Variants in ROBO2 observed in about 807,000 individuals in gnomAD.
ROBO2 encodes roundabout guidance receptor 2.
ROBO2 carries 53 observed loss-of-function variants against 160.8 expected under a neutral mutation model. The ratio of observed to expected loss-of-function variants is 0.33; its 90% CI spans 0.26 to 0.41. The LOEUF is 0.41. Among genes scored for constraint, ROBO2 ranks in the 10% least tolerant of loss-of-function variants. ROBO2 has a pLI of 1.00. For synonymous variants in ROBO2, 664 were observed against 611.7 expected (o/e 1.09, Z -1.26); for missense variants, 1,577 against 1,722.4 (o/e 0.92, Z 1.49).
At chr3:76,255,804 A>G (rs1706321633) in intron 2 of ROBO2, among the ~76,000 whole-genome samples, 1 of 152,074 alleles carries the variant, frequency 6.6e-6, no homozygotes, top group Non-Finnish European at 1.5e-5. Flanking sequence ...ACTTCCTGGA[A>G]TAATAGTATT....
At chr3:77,088,502 G>A (rs1471976937) in intron 1 of ROBO2, among the ~76,000 whole-genome samples, 2 of 152,074 alleles carry the variant, frequency 1.3e-5, no homozygotes, top group African/African-American at 4.8e-5. Flanking sequence ...CCATCACTTA[G>A]GTATTAACCC....
chr3:77,374,600 A>G (rs1358754748), intron 2 of ROBO2, among the ~76,000 whole-genome samples: 4 of 152,086 alleles, frequency 2.6e-5, no homozygotes, highest in Admixed American at 1.3e-4. Context: ...AGTTTTTGTA[A>G]GTTTATTTTC....
rs143267395 is a variant in ROBO2 at position 77,352,235 on chromosome 3, G to GAA, written c.389-125171_389-125170dup. On this transcript the variant is annotated intron_variant, in intron 2 of 25. Coordinates refer to ENST00000461745, the Ensembl canonical transcript of ROBO2. ...ATTTATGCTCTCTCTTTTTTTTTCT[G>GAA]AAAAAAAAATAAAAATAAAAAAAGG... 3.4e-3 allele frequency among the ~76,000 whole-genome samples: 510 copies of GAA among 148,358 alleles called. 2 individuals carry two copies. The highest frequency in any genetic ancestry group is 0.01 in the African/African-American group (417 of 40,208).
At chr3:77,299,008 A>C (rs1262683681) in intron 2 of ROBO2, among the ~76,000 whole-genome samples, 1 of 152,198 alleles carries the variant, frequency 6.6e-6, no homozygotes, top group Non-Finnish European at 1.5e-5. Context: ...CAGAGTCAAG[A>C]TTATTTCATG....
intron 2 of ROBO2, among the ~76,000 whole-genome samples, chr3:76,167,288 G>A (rs2106962990): frequency 6.6e-6 from 1 of 152,176 alleles, no homozygotes; most frequent in South Asian, 2.1e-4. Context: ...GAATCACTCA[G>A]TTTGCTCACA....
intron 4 of ROBO2, among the ~76,000 whole-genome samples, chr3:77,482,485 C>T (rs2084824285): frequency 6.6e-6 from 1 of 152,180 alleles, no homozygotes; most frequent in South Asian, 2.1e-4. Flanking sequence ...TTCAATCATT[C>T]TGAGCACCAG....
At chr3:77,224,907 TC>T (rs1323088065) in intron 2 of ROBO2, among the ~76,000 whole-genome samples, 1 of 151,888 alleles carries the variant, frequency 6.6e-6, no homozygotes, top group Non-Finnish European at 1.5e-5. Context: ...ATTTGATTAG[TC>T]AAGTTTCCAT....
chr3:76,519,998 C>G (rs548006346), intron 2 of ROBO2, among the ~76,000 whole-genome samples: 1 of 152,226 alleles, frequency 6.6e-6, no homozygotes, highest in African/African-American at 2.4e-5. Context: ...CATAGGGACC[C>G]CTTATTATCT....
intron 2 of ROBO2, among the ~76,000 whole-genome samples, chr3:77,342,622 C>G (rs1378766233): frequency 1.3e-5 from 2 of 152,068 alleles, no homozygotes; most frequent in Admixed American, 6.6e-5. Flanking sequence ...CTAGAAGACT[C>G]CCCATTTGCT....
intron 2 of ROBO2, among the ~76,000 whole-genome samples, chr3:77,140,741 T>A (rs919365808): frequency 1.3e-5 from 2 of 152,220 alleles, no homozygotes; most frequent in Non-Finnish European, 2.9e-5. Flanking sequence ...CCCAATTTAA[T>A]ATCTACTGAT....
intron 2 of ROBO2, among the ~76,000 whole-genome samples, chr3:76,170,740 G>T (rs191645691): frequency 1.3e-5 from 2 of 152,180 alleles, no homozygotes; most frequent in Non-Finnish European, 2.9e-5. Context: ...TAAGGTGATT[G>T]GTTAGATACC....
intron 2 of ROBO2, among the ~76,000 whole-genome samples, chr3:77,287,846 G>A (rs1346037017): frequency 3.9e-5 from 6 of 152,170 alleles, no homozygotes; most frequent in Admixed American, 1.3e-4. Context: ...ATTGTTCCTC[G>A]AAAGTTTGAA....
intron 6 of ROBO2, among the ~76,000 whole-genome samples, chr3:77,524,633 T>C (rs1258590801): frequency 1.3e-5 from 2 of 151,380 alleles, no homozygotes; most frequent in African/African-American, 4.8e-5. Flanking sequence ...AGACTTGAAG[T>C]GGTCTGTTTG....
chr3:76,061,465 A>G lies in ROBO2; in HGVS notation c.109+123863A>G, dbSNP rs374219861. 1.7e-4 allele frequency among the ~76,000 whole-genome samples: 26 copies of G among 152,334 alleles called. No individual in the cohort carries two copies. In the South Asian group the frequency reaches 4.1e-3, roughly 24 times the overall value. On this transcript the variant is annotated intron_variant, in intron 2 of 26. Coordinates refer to the ROBO2 transcript ENST00000487694. Reference sequence around the variant, plus strand: ...TTGTTCATTCTGTAACTAAAGGTGGACACAGATATAAAATATTGCTTGCTT... The same window carrying G: ...TTGTTCATTCTGTAACTAAAGGTGGGCACAGATATAAAATATTGCTTGCTT...
At chr3:76,129,966 A>G (rs771411979) in intron 2 of ROBO2, among the ~76,000 whole-genome samples, 2 of 152,000 alleles carry the variant, frequency 1.3e-5, no homozygotes, top group Non-Finnish European at 1.5e-5. Flanking sequence ...AGCATAAACT[A>G]AAAGAAAGTT....
intron 2 of ROBO2, among the ~76,000 whole-genome samples, chr3:76,854,923 G>T (rs1003226859): frequency 5.3e-5 from 8 of 152,088 alleles, no homozygotes; most frequent in African/African-American, 1.7e-4. Context: ...GAACCTAATT[G>T]TATATGAGAG....
chr3:76,458,960 CA>C (rs1459249852), intron 2 of ROBO2, among the ~76,000 whole-genome samples: 2 of 152,160 alleles, frequency 1.3e-5, no homozygotes, highest in Admixed American at 6.5e-5. Context: ...GAGACACAGC[CA>C]AACCATATCA....
chr3:75,906,737 C>T (rs1218208332), exon 1 of ROBO2: 1 of 152,280 alleles, frequency 6.6e-6, no homozygotes, highest in Admixed American at 6.5e-5. Flanking sequence ...CGCCACCACC[C>T]GGAGGAGGGA....
At chr3:77,086,274 T>C (rs935709879) in intron 1 of ROBO2, among the ~76,000 whole-genome samples, 1 of 152,096 alleles carries the variant, frequency 6.6e-6, no homozygotes. Flanking sequence ...GGAACATTTA[T>C]TGAGTGCTTG....
Sources: gnomAD v4.1 joint callset for allele counts (sites outside exome capture counted in the v4.1 genomes callset) on GRCh38, gnomAD v4.1.1 for gene constraint, MANE v1.5 for transcripts, NCBI Gene and HGNC (gene_info 2026-07-23, HGNC 2026-07-21) for gene names.